MTDH: variants seen among roughly 807,000 people sequenced by gnomAD.
MTDH encodes protein LYRIC.
In MTDH, 34 loss-of-function variants were observed where a neutral mutation model predicts 72.7. The ratio of observed to expected loss-of-function variants is 0.47; its 90% CI spans 0.36 to 0.62. The LOEUF (loss-of-function observed/expected upper bound fraction) is 0.62, where lower values mean the gene tolerates loss of function less well. Among genes scored for constraint, MTDH ranks in the 20% least tolerant of loss-of-function variants. The pLI is 0.00. For missense variants in MTDH, 677 were observed against 699.4 expected, an observed-to-expected ratio of 0.97 and a Z score of 0.36; for synonymous variants, 266 against 268.9, an observed-to-expected ratio of 0.99 and a Z score of 0.10.
chr8:97,676,894 A>G (rs1014575494), intron 2 of MTDH, among the ~76,000 whole-genome samples: 4 of 150,858 alleles, frequency 2.7e-5, no homozygotes, highest in African/African-American at 9.8e-5. Flanking sequence ...AGTCCCAGCT[A>G]CTCAGGAGGC....
At chr8:97,669,595 G>A (rs951602390) in intron 2 of MTDH, among the ~76,000 whole-genome samples, 5 of 151,950 alleles carry the variant, frequency 3.3e-5, no homozygotes, top group African/African-American at 1.2e-4. Flanking sequence ...GGAGGAGTGA[G>A]ACCCAGAATT....
At chr8:97,683,720 T>C (rs1298977536) in intron 2 of MTDH, among the ~76,000 whole-genome samples, 1 of 152,016 alleles carries the variant, frequency 6.6e-6, no homozygotes. Flanking sequence ...ATGGCCTCAG[T>C]TTCTATGTGT....
intron 2 of MTDH, among the ~76,000 whole-genome samples, chr8:97,679,566 G>C (rs1430473913): frequency 7.2e-5 from 11 of 152,212 alleles, no homozygotes; most frequent in African/African-American, 2.6e-4. Flanking sequence ...ACTTTTTCAA[G>C]TATAACAATA....
intron 1 of MTDH, among the ~76,000 whole-genome samples, chr8:97,653,170 A>G (rs1270635604): frequency 6.6e-6 from 1 of 152,194 alleles, no homozygotes; most frequent in Non-Finnish European, 1.5e-5. Context: ...AATCCAAATT[A>G]TAAGTAAAAC....
At chr8:97,696,221 G>A (rs1813828429) in intron 6 of MTDH, 1 of 985,080 alleles carries the variant, frequency 1.0e-6, no homozygotes, top group Non-Finnish European at 1.2e-6. Flanking sequence ...GTCTAGTGTG[G>A]ATAGGGGAAT....
intron 7 of MTDH, among the ~76,000 whole-genome samples, chr8:97,703,156 C>T (rs547140192): frequency 3.3e-5 from 5 of 152,126 alleles, no homozygotes; most frequent in African/African-American, 4.8e-5. Context: ...CTTGAGCCCA[C>T]GCGTTCAAGA....
rs1245145919 is a variant in MTDH, at chr8:97,718,624, A to AATTCTC, written c.1381-422_1381-417dup. ...CAACCTTCACCTCCCAGGCTCAAGC[A>AATTCTC]ATTCTCATACCTCCTCCTGAGTAGC... On this transcript the variant is annotated intron_variant, in intron 9 of 11. Coordinates refer to ENST00000336273, the MANE Select transcript of MTDH (RefSeq NM_178812.4). 2.1e-4 allele frequency among the ~76,000 whole-genome samples: 32 copies of AATTCTC among 150,560 alleles called. No individual in the cohort carries two copies. In the Middle Eastern group the frequency reaches 0.01, roughly 49 times the overall value.
intron 1 of MTDH, among the ~76,000 whole-genome samples, chr8:97,658,355 C>T (rs997752061): frequency 1.3e-5 from 2 of 152,214 alleles, no homozygotes; most frequent in Admixed American, 6.5e-5. Flanking sequence ...GAAATGGGAA[C>T]TGAATGTTCC....
At position 97,644,756 on chromosome 8, in the gene MTDH, A is replaced by G; in HGVS notation, c.250A>G (p.Ser84Gly). 6.4e-7 allele frequency: 1 copy of G among 1,566,376 alleles called. No homozygotes were observed. The highest frequency in any genetic ancestry group is 8.6e-7 in the Non-Finnish European group (1 of 1,164,466). ...CGCCGGCGCCCGCAAAAAGCGGAGG[A>G]GCCCGCCCCGCAAGCGGGAGGAGGC... The part of the protein sequence containing the change: ...ACAGARKKRR[S>G]PPRKREEAAA... The change falls in exon 1 of 12, where the codon AGC (serine) becomes GGC (glycine). Residue 84 changes from serine to glycine, a missense_variant. Ser to Gly is a moderately conservative substitution (Grantham distance 56). Transcript: ENST00000336273.
intron 10 of MTDH, among the ~76,000 whole-genome samples, chr8:97,719,486 C>T (rs62521705): frequency 0.18 from 22,304 of 121,656 alleles, 1,897 homozygotes; most frequent in East Asian, 0.35. Flanking sequence ...GAGCAAGACA[C>T]TGTCTCAAAA....
intron 10 of MTDH, among the ~76,000 whole-genome samples, chr8:97,721,936 CAG>C (rs748260570): frequency 6.6e-6 from 1 of 152,222 alleles, no homozygotes; most frequent in Non-Finnish European, 1.5e-5. Context: ...TTGTAGGAAA[CAG>C]AAGCTGTTGC....
chr8:97,681,069 G>GA (rs953146312), intron 2 of MTDH, among the ~76,000 whole-genome samples: 1 of 152,086 alleles, frequency 6.6e-6, no homozygotes, highest in African/African-American at 2.4e-5. Flanking sequence ...TAGGGGAAAG[G>GA]AAAAGGGGGA....
At position 97,727,468 on chromosome 8, in the gene MTDH, C is replaced by G. The variant is rs1232224091; in HGVS notation, c.*2798C>G. 7.4e-6 allele frequency: 1 copy of G among 135,968 alleles called. No individual in the cohort carries two copies. The highest frequency in any genetic ancestry group is 2.9e-5 in the African/African-American group (1 of 34,754). 8.4% of individuals were successfully genotyped at this position (135,968 alleles called of 1,614,324 possible). Reference sequence around the variant, plus strand: ...GAGCTGAGATCGCACCACTGCACTCCAGCATGAAAGAGCGAGACTCAATCT... The same window carrying G: ...GAGCTGAGATCGCACCACTGCACTCGAGCATGAAAGAGCGAGACTCAATCT... On this transcript the variant is annotated 3_prime_UTR_variant, in exon 12 of 12. Transcript: ENST00000336273.
In MTDH at chr8:97,730,033, A is replaced by G. The variant is rs1477667464; in HGVS notation, c.*5363A>G. ...CTAACCCTAGCATCATGACATGTAT[A>G]TAGTGTGTTGTAAGACATTTGCCAG... On this transcript the variant is annotated 3_prime_UTR_variant, in exon 12 of 12. Transcript: ENST00000336273. Among the ~76,000 whole-genome samples, 1 of 152,208 alleles carries G rather than the reference A, an allele frequency of 6.6e-6. No individual in the cohort carries two copies. The highest frequency in any genetic ancestry group is 1.5e-5 in the Non-Finnish European group (1 of 68,034).
intron 1 of MTDH, among the ~76,000 whole-genome samples, chr8:97,653,205 G>A (rs1236779877): frequency 2.0e-5 from 3 of 151,698 alleles, no homozygotes; most frequent in Non-Finnish European, 4.4e-5. Flanking sequence ...TTACAGAAGA[G>A]AAATCTTGAG....
At chr8:97,675,313 C>T (rs1312201477) in intron 2 of MTDH, among the ~76,000 whole-genome samples, 1 of 152,118 alleles carries the variant, frequency 6.6e-6, no homozygotes, top group Non-Finnish European at 1.5e-5. Flanking sequence ...GTAATCCCAG[C>T]ACTTTGGGAG....
chr8:97,665,865 G>A (rs1023443942), intron 2 of MTDH, among the ~76,000 whole-genome samples: 6 of 152,150 alleles, frequency 3.9e-5, no homozygotes, highest in Non-Finnish European at 7.4e-5. Context: ...GGTGGCTCAC[G>A]CCTGTAATCC....
chr8:97,660,898 T>TAC (rs1812149410), intron 1 of MTDH, among the ~76,000 whole-genome samples, 174 bp from the exon 2 acceptor site: 2 of 119,714 alleles, frequency 1.7e-5, no homozygotes, highest in Admixed American at 1.6e-4. Context: ...TATATATATA[T>TAC]ATAAACACTA....
Position 97,670,479 on chromosome 8 carries a change from G to A in MTDH, c.483+9306G>A, listed in dbSNP as rs1391513685. Among the ~76,000 whole-genome samples the A allele has an allele frequency of 2.6e-5, 4 of 152,214 alleles. No homozygotes were observed. In the East Asian group the frequency reaches 7.8e-4, roughly 30 times the overall value. On this transcript the variant is annotated intron_variant, in intron 2 of 11. Transcript: ENST00000336273. ...TAAAAATACAAAAAGAAAATTAGCTGGGTGTGGTGGCGTGTGCCCGTATAA... is the reference window on the plus strand; with the variant it reads ...TAAAAATACAAAAAGAAAATTAGCTAGGTGTGGTGGCGTGTGCCCGTATAA...
Sources: gnomAD v4.1 joint callset for allele counts (sites outside exome capture counted in the v4.1 genomes callset) on GRCh38, gnomAD v4.1.1 for gene constraint, MANE v1.5 for transcripts, NCBI Gene and HGNC (gene_info 2026-07-23, HGNC 2026-07-21) for gene names.